WDFY4: variants seen among roughly 807,000 people sequenced by gnomAD.
WDFY4 encodes the protein WDFY family member 4.
A neutral mutation model predicts 351.9 loss-of-function variants in WDFY4; 169 were observed. The ratio of observed to expected loss-of-function variants is 0.48; its 90% CI spans 0.42 to 0.55. WDFY4 has a LOEUF of 0.55. Among genes scored for constraint, WDFY4 ranks in the 20% least tolerant of loss-of-function variants. WDFY4 has a pLI of 0.00. For synonymous variants in WDFY4, 1,622 were observed against 1,574.6 expected (o/e 1.03, Z -0.71); for missense variants, 3,803 against 3,935.6 (o/e 0.97, Z 0.90).
At chr10:48,687,249 G>T (rs1285950709) in intron 1 of WDFY4, among the ~76,000 whole-genome samples, 1 of 151,872 alleles carries the variant, frequency 6.6e-6, no homozygotes, top group Non-Finnish European at 1.5e-5. Flanking sequence ...CATATTCTGG[G>T]TACTACTTTT....
At chr10:48,861,763 A>AT (rs1036774645) in intron 39 of WDFY4, among the ~76,000 whole-genome samples, 7 of 150,290 alleles carry the variant, frequency 4.7e-5, no homozygotes, top group South Asian at 2.1e-4. Flanking sequence ...TTTTTCAGCC[A>AT]TTTTTTTTTA....
chr10:48,970,057 AC>A, intron 56 of WDFY4, 73 bp from the exon 57 acceptor site: 2 of 1,490,966 alleles, frequency 1.3e-6, no homozygotes. Flanking sequence ...TGGCCCACAT[AC>A]CCCCGTGACT....
intron 56 of WDFY4, 68 bp from the exon 57 acceptor site, chr10:48,970,063 G>C: frequency 6.6e-7 from 1 of 1,510,826 alleles, no homozygotes; most frequent in Non-Finnish European, 8.9e-7. Context: ...ACATACCCCC[G>C]TGACTCTATC....
chr10:48,735,867 G>C lies in WDFY4; in HGVS notation c.1688-13G>C. 6.5e-7 allele frequency: 1 copy of C among 1,550,124 alleles called. No homozygotes were observed. Among genetic ancestry groups the C allele is most frequent in the Non-Finnish European group, 8.7e-7 (1 of 1,145,932 alleles). On this transcript the variant is annotated splice_polypyrimidine_tract_variant and intron_variant, in intron 10 of 61. Coordinates refer to ENST00000325239, the MANE Select transcript of WDFY4 (RefSeq NM_001394531.1). ...CCCTTGCCCTAGCCCCATTCTGTCTGTCTGATCCTTAGTTGTCCTGAAGGA... is the reference window on the plus strand; with the variant it reads ...CCCTTGCCCTAGCCCCATTCTGTCTCTCTGATCCTTAGTTGTCCTGAAGGA...
intron 9 of WDFY4, among the ~76,000 whole-genome samples, chr10:48,733,401 G>C (rs1213780133): frequency 7.9e-5 from 12 of 152,172 alleles, no homozygotes; most frequent in Admixed American, 7.9e-4. Context: ...AAAGAGATCT[G>C]ATTTTGCCCT....
At chr10:48,790,036 T>C in intron 22 of WDFY4, 51 bp downstream of exon 22, 1 of 1,519,558 alleles carries the variant, frequency 6.6e-7, no homozygotes, top group Non-Finnish European at 8.9e-7. Context: ...GGGTTTGTGC[T>C]GTCATGGCTT....
intron 13 of WDFY4, among the ~76,000 whole-genome samples, chr10:48,761,486 T>C (rs1051196311): frequency 1.3e-5 from 2 of 151,976 alleles, no homozygotes; most frequent in Non-Finnish European, 2.9e-5. Context: ...TGTGAGAAGG[T>C]GTGAAGAAAG....
chr10:48,821,080 A>G lies in WDFY4; in HGVS notation c.5728A>G (p.Thr1910Ala), dbSNP rs1417976361. Reference protein sequence around the residue: ...VLLEASPDHATSQQKRDFQSE... With the variant: ...VLLEASPDHAASQQKRDFQSE... ...CTTCCAGGCTTCTCCAGACCACGCC[A>G]CCAGCCAACAGAAGCGAGACTTCCA... Residue 1910 changes from threonine (T) to alanine (A), a missense_variant, in exon 34 of 62, where the codon ACC (threonine) becomes GCC (alanine). Transcript: ENST00000325239. The G allele has an allele frequency of 6.4e-7, 1 of 1,551,634 alleles. No homozygotes were observed. Among genetic ancestry groups the G allele is most frequent in the Admixed American group, 2.0e-5 (1 of 51,002 alleles).
intron 47 of WDFY4, among the ~76,000 whole-genome samples, chr10:48,930,506 G>A (rs1418597484): frequency 6.6e-6 from 1 of 152,186 alleles, no homozygotes; most frequent in African/African-American, 2.4e-5. Flanking sequence ...GTTAGGCCAA[G>A]GGGAGAAGGA....
rs1335421324 is a variant in WDFY4 at position 48,731,364 on chromosome 10, G to A, written c.1384G>A (p.Val462Met). ...LEALVFELHYVPHEILRKVQH... is the reference protein window; with the variant it reads ...LEALVFELHYMPHEILRKVQH... Reference sequence around the variant, plus strand: ...GGCCCTGGTGTTCGAGCTGCACTACGTGCCTCATGAGATCCTGCGAAAGGT... The same window carrying A: ...GGCCCTGGTGTTCGAGCTGCACTACATGCCTCATGAGATCCTGCGAAAGGT... The change falls in exon 9 of 62, where the codon GTG (valine) becomes ATG (methionine). Residue 462 changes from valine to methionine, a missense_variant. This residue lies in a region of WDFY4 where 261 missense variants were observed against 330.2 expected (regional missense o/e 0.79). Transcript: ENST00000325239. The A allele has an allele frequency of 7.1e-6, 11 of 1,551,636 alleles. No individual in the cohort carries two copies. The highest frequency in any genetic ancestry group is 5.9e-5 in the Admixed American group (3 of 50,990).
In WDFY4 at chr10:48,820,268, G is replaced by A. The variant is rs1589686747; in HGVS notation, c.5540G>A (p.Ser1847Asn). 1 of 1,551,730 alleles carries A rather than the reference G, an allele frequency of 6.4e-7. No individual in the cohort carries two copies. Among genetic ancestry groups the A allele is most frequent in the Non-Finnish European group, 8.7e-7 (1 of 1,147,002 alleles). The stretch of plus-strand genomic sequence containing the variant: ...GCTGAGTCCACCCGGAACACCAGCA[G>A]TCCTGAGGCCGCAGCTGAAGGCGAC... Reference protein sequence around the residue: ...VGAESTRNTSSPEAAAEGDST... With the variant: ...VGAESTRNTSNPEAAAEGDST... Residue 1847 changes from serine to asparagine, a missense_variant, in exon 33 of 62, where the codon AGT becomes AAT. This residue lies in a region of WDFY4 where 3,054 missense variants were observed against 3,148.6 expected (regional missense o/e 0.97). Coordinates refer to ENST00000325239, the MANE Select transcript of WDFY4 (RefSeq NM_001394531.1).
intron 50 of WDFY4, 75 bp from the exon 51 acceptor site, chr10:48,946,785 A>T: frequency 9.3e-7 from 1 of 1,075,920 alleles, no homozygotes. Flanking sequence ...GTTCATGAAC[A>T]CAGTGTAGCA....
chr10:48,883,558 A>T (rs2070339269), intron 43 of WDFY4, among the ~76,000 whole-genome samples: 1 of 152,248 alleles, frequency 6.6e-6, no homozygotes, highest in Admixed American at 6.5e-5. Flanking sequence ...TAAGCGAAAC[A>T]TGCCCACGAT....
At chr10:48,962,235 A>C (rs1048773668) in intron 53 of WDFY4, among the ~76,000 whole-genome samples, 2 of 152,176 alleles carry the variant, frequency 1.3e-5, no homozygotes, top group African/African-American at 4.8e-5. Context: ...GGCTTGGGAG[A>C]GCCATACCTT....
At chr10:48,794,033 C>T (rs141657760) in intron 23 of WDFY4, among the ~76,000 whole-genome samples, 112 of 152,220 alleles carry the variant, frequency 7.4e-4, no homozygotes, top group African/African-American at 2.6e-3. Context: ...CTGGGTTCCT[C>T]CACACGGCTA....
intron 47 of WDFY4, among the ~76,000 whole-genome samples, chr10:48,937,332 C>A (rs975409484): frequency 6.6e-6 from 1 of 152,210 alleles, no homozygotes; most frequent in Non-Finnish European, 1.5e-5. Context: ...AGGTAGCTGG[C>A]ATTTCATACA....
chr10:48,811,952 T>A lies in WDFY4; in HGVS notation c.5214+244T>A, dbSNP rs2067461437. Among the ~76,000 whole-genome samples the A allele has an allele frequency of 2.0e-5, 3 of 152,140 alleles. No homozygotes were observed. In the South Asian group the frequency reaches 6.2e-4, roughly 31 times the overall value. On this transcript the variant is annotated intron_variant, in intron 30 of 61. Coordinates refer to ENST00000325239, the MANE Select transcript of WDFY4 (RefSeq NM_001394531.1). ...CCTCCCAGCAAGTCTCTGATTTGGA[T>A]CAGTTCTATTTTAAAACCTTCCTTT...
At position 48,809,831 on chromosome 10, in the gene WDFY4, A is replaced by G. The variant is rs1464489012; in HGVS notation, c.4839-699A>G. Among the ~76,000 whole-genome samples, 3 of 152,320 alleles carry G rather than the reference A, an allele frequency of 2.0e-5. No individual in the cohort carries two copies. In the East Asian group the frequency reaches 5.8e-4, roughly 29 times the overall value. On this transcript the variant is annotated intron_variant, in intron 28 of 61. Coordinates refer to ENST00000325239, the MANE Select transcript of WDFY4 (RefSeq NM_001394531.1). Reference sequence around the variant, plus strand: ...TCACTCCTAGTCCAGTGCTCATTTCAGTGGATACCAGCCAGATTCTCACTA... The same window carrying G: ...TCACTCCTAGTCCAGTGCTCATTTCGGTGGATACCAGCCAGATTCTCACTA...
At chr10:48,722,424 G>A (rs2064122014) in intron 4 of WDFY4, among the ~76,000 whole-genome samples, 2 of 152,222 alleles carry the variant, frequency 1.3e-5, no homozygotes, top group Admixed American at 1.3e-4. Context: ...CCCTGAGGAG[G>A]TCAAGGTTAA....
Sources: allele counts gnomAD v4.1 joint callset (sites outside exome capture counted in the v4.1 genomes callset), GRCh38; gene constraint gnomAD v4.1.1; regional missense constraint gnomAD v4.1.1; transcripts MANE v1.5; gene names NCBI Gene and HGNC (gene_info 2026-07-23, HGNC 2026-07-21).